TGFBR3: variants seen among roughly 807,000 people sequenced by gnomAD.
The protein encoded by TGFBR3 is transforming growth factor beta receptor type 3.
In TGFBR3, 46 loss-of-function variants were observed where a neutral mutation model predicts 87.9. That is an observed-to-expected ratio of 0.52 (90% confidence interval 0.41 to 0.67). TGFBR3 has a LOEUF of 0.67. TGFBR3 is among the 30% of genes least tolerant of loss of function. The pLI is 0.00. For missense variants in TGFBR3, 866 were observed against 1,041.9 expected, an observed-to-expected ratio of 0.83 and a Z score of 2.32; for synonymous variants, 381 against 391.6, an observed-to-expected ratio of 0.97 and a Z score of 0.32.
At chr1:91,776,201 GAT>G (rs1557704393) in intron 3 of TGFBR3, among the ~76,000 whole-genome samples, 5 of 152,210 alleles carry the variant, frequency 3.3e-5, no homozygotes, top group African/African-American at 7.2e-5. Flanking sequence ...AAGAGCTTGA[GAT>G]CATCTAAATG....
At chr1:91,851,780 G>C (rs1677746671) in intron 2 of TGFBR3, among the ~76,000 whole-genome samples, 1 of 152,162 alleles carries the variant, frequency 6.6e-6, no homozygotes, top group African/African-American at 2.4e-5. Flanking sequence ...AATCCAGAAA[G>C]CTGGGTGGCA....
At chr1:91,805,790 C>T (rs77323782) in intron 2 of TGFBR3, among the ~76,000 whole-genome samples, 1 of 152,216 alleles carries the variant, frequency 6.6e-6, no homozygotes, top group Admixed American at 6.5e-5. Flanking sequence ...CTGATTCTCA[C>T]AATACCACTG....
chr1:91,816,078 T>C (rs10783037), intron 2 of TGFBR3, among the ~76,000 whole-genome samples: 80,661 of 152,044 alleles, frequency 0.53, 21,536 homozygotes, highest in Middle Eastern at 0.63. Flanking sequence ...CTGGTTAAGA[T>C]AGAGCCACAC....
chr1:91,815,965 G>A (rs1676209188), intron 2 of TGFBR3, among the ~76,000 whole-genome samples: 1 of 152,096 alleles, frequency 6.6e-6, no homozygotes, highest in African/African-American at 2.4e-5. Flanking sequence ...AATGAAACGG[G>A]GGCTTTAGAA....
intron 2 of TGFBR3, among the ~76,000 whole-genome samples, chr1:91,841,661 G>T (rs1339823160): frequency 6.6e-6 from 1 of 152,010 alleles, no homozygotes; most frequent in Non-Finnish European, 1.5e-5. Flanking sequence ...AGGAGTGGTG[G>T]TGTGGGCCTG....
chr1:91,871,049 A>AG (rs1053488574), intron 1 of TGFBR3, among the ~76,000 whole-genome samples: 7 of 151,980 alleles, frequency 4.6e-5, no homozygotes, highest in Non-Finnish European at 8.8e-5. Context: ...CACCAAAAAA[A>AG]AAAAAAAGAT....
chr1:91,899,735 G>A (rs1679650701), intron 1 of TGFBR3: 1 of 152,164 alleles, frequency 6.6e-6, no homozygotes, highest in Admixed American at 6.5e-5. Context: ...GAGTATAGTT[G>A]TAGCAAACTT....
rs545872865 is a variant in TGFBR3, at chr1:91,824,477, G to GC, written c.62-27007dup. On this transcript the variant is annotated intron_variant, in intron 2 of 16. Transcript: ENST00000212355. Reference sequence around the variant, plus strand: ...ACAGCCGAAGGCTGCAAATCTCTTTGCCCCCACACCTAAGAAAGAGCATCT... The same window carrying GC: ...ACAGCCGAAGGCTGCAAATCTCTTTGCCCCCCACACCTAAGAAAGAGCATCT... 5.1e-4 allele frequency among the ~76,000 whole-genome samples: 78 copies of GC among 152,290 alleles called. 1 individual carries two copies. Among genetic ancestry groups the GC allele is most frequent in the African/African-American group, 1.8e-3 (76 of 41,546 alleles).
At chr1:91,773,372 G>A (rs1422446252) in intron 3 of TGFBR3, among the ~76,000 whole-genome samples, 4 of 151,960 alleles carry the variant, frequency 2.6e-5, no homozygotes, top group African/African-American at 9.7e-5. Flanking sequence ...AATAGAGTCA[G>A]TAAAAGTCTT....
intron 3 of TGFBR3, among the ~76,000 whole-genome samples, chr1:91,784,189 A>C (rs1674875274): frequency 6.6e-6 from 1 of 152,232 alleles, no homozygotes; most frequent in African/African-American, 2.4e-5. Flanking sequence ...AAAGAGATTT[A>C]ATTAAAAAAG....
intron 10 of TGFBR3, among the ~76,000 whole-genome samples, chr1:91,718,152 A>G (rs181925488): frequency 1.5e-4 from 23 of 152,344 alleles, no homozygotes; most frequent in Non-Finnish European, 2.8e-4. Context: ...AGTTGGATTC[A>G]GTCGTCCTGG....
intron 1 of TGFBR3, among the ~76,000 whole-genome samples, chr1:91,878,395 C>G (rs1029770391): frequency 5.3e-5 from 8 of 151,992 alleles, no homozygotes; most frequent in African/African-American, 1.9e-4. Context: ...ACCAATATCA[C>G]ACTGTCAAAA....
At chr1:91,880,217 A>G (rs1679017710) in intron 1 of TGFBR3, among the ~76,000 whole-genome samples, 1 of 152,222 alleles carries the variant, frequency 6.6e-6, no homozygotes, top group African/African-American at 2.4e-5. Flanking sequence ...CTGCTTTTAC[A>G]TTAAAGGCCC....
At chr1:91,901,659 A>G (rs891848071) in intron 1 of TGFBR3, among the ~76,000 whole-genome samples, 1 of 152,066 alleles carries the variant, frequency 6.6e-6, no homozygotes, top group African/African-American at 2.4e-5. Context: ...TCATGCCTGT[A>G]ATCCCAGCAC....
rs558844051 is a variant in TGFBR3, at chr1:91,799,302, T to C, written c.62-1831A>G. Among the ~76,000 whole-genome samples, 4 of 152,346 alleles carry C rather than the reference T, an allele frequency of 2.6e-5. No homozygotes were observed. The East Asian group carries it at 7.7e-4, about 29-fold the overall frequency. The stretch of plus-strand genomic sequence containing the variant: ...AAATAGTCACTGCCACTCTCTGGAC[T>C]GTGGCCAGCTGCTTTCTGAGAAAGC... On this transcript the variant is annotated intron_variant, in intron 2 of 16. Coordinates refer to ENST00000212355, the MANE Select transcript of TGFBR3 (RefSeq NM_003243.5).
chr1:91,683,815 G>T lies in TGFBR3; in HGVS notation c.2480C>A (p.Ala827Asp). ...GTGGGCAGCACTGCTGTTTTCCGAG[G>T]CTGGCGGGGAGGTGGGGACTTGCTG... ...GRQQVPTSPP[A>D]SENSSAAHSI... The change falls in exon 17 of 17, where the codon GCC becomes GAC. Residue 827 changes from alanine (A) to aspartate (D), a missense_variant. Transcript: ENST00000212355. The T allele has an allele frequency of 6.2e-7, 1 of 1,608,486 alleles. No homozygotes were observed. Among genetic ancestry groups the T allele is most frequent in the Non-Finnish European group, 8.5e-7 (1 of 1,177,916 alleles).
At chr1:91,766,197 T>C (rs1674176404) in intron 3 of TGFBR3, among the ~76,000 whole-genome samples, 1 of 105,370 alleles carries the variant, frequency 9.5e-6, no homozygotes, top group South Asian at 3.1e-4. Context: ...AAGTTTGTTT[T>C]CTTTTTTTTT....
Position 91,886,103 on chromosome 1 carries a change from C to G in TGFBR3, c.-339G>C, listed in dbSNP as rs1458548070. 2.2e-6 allele frequency: 1 copy of G among 454,116 alleles called. No homozygotes were observed. The highest frequency in any genetic ancestry group is 4.4e-6 in the Non-Finnish European group (1 of 226,780). 28.1% of individuals were successfully genotyped at this position (454,116 alleles called of 1,614,324 possible). ...GAGAGCCGCCGACTGCCCTCCTTCA[C>G]TCGCTGGGAAGAGGAAAGTGCCGCT... On this transcript the variant is annotated 5_prime_UTR_variant, in exon 1 of 17. Coordinates refer to ENST00000212355, the MANE Select transcript of TGFBR3 (RefSeq NM_003243.5).
intron 2 of TGFBR3, among the ~76,000 whole-genome samples, chr1:91,841,303 T>C (rs1433537229): frequency 6.6e-6 from 1 of 152,198 alleles, no homozygotes; most frequent in Non-Finnish European, 1.5e-5. Flanking sequence ...GCAACATACG[T>C]ACCTCCCATT....
Sources: allele counts gnomAD v4.1 joint callset (sites outside exome capture counted in the v4.1 genomes callset), GRCh38; gene constraint gnomAD v4.1.1; transcripts MANE v1.5; gene names NCBI Gene and HGNC (gene_info 2026-07-23, HGNC 2026-07-21).